The following ROCK2 variants were observed in gnomAD, a reference collection of about 807,000 sequenced individuals.
ROCK2 encodes rho-associated protein kinase 2.
A neutral mutation model predicts 195.1 loss-of-function variants in ROCK2; 61 were observed. That is an observed-to-expected ratio of 0.31 (90% confidence interval 0.25 to 0.39). The LOEUF is 0.39. Ranked by LOEUF, ROCK2 falls within the 10% of genes least tolerant of loss-of-function variation. The probability of loss-of-function intolerance (pLI) is 1.00; values close to 1 mark genes in which losing one functional copy is unlikely to be tolerated. For synonymous variants in ROCK2, 504 were observed against 545.5 expected (o/e 0.92, Z 1.06); for missense variants, 1,109 against 1,637.4 (o/e 0.68, Z 5.57).
intron 3 of ROCK2, among the ~76,000 whole-genome samples, chr2:11,256,660 C>T (rs1666046602): frequency 6.6e-6 from 1 of 150,796 alleles, no homozygotes; most frequent in Non-Finnish European, 1.5e-5. Flanking sequence ...AAAGATCTAC[C>T]ATGCAAACTG....
At chr2:11,245,053 T>C (rs1296267927) in intron 4 of ROCK2, among the ~76,000 whole-genome samples, 1 of 151,836 alleles carries the variant, frequency 6.6e-6, no homozygotes, top group Non-Finnish European at 1.5e-5. Flanking sequence ...CTTTTAAAAA[T>C]CACATTATTG....
intron 11 of ROCK2, chr2:11,218,248 T>TAA (rs1192453796): frequency 1.6e-5 from 6 of 386,182 alleles, no homozygotes; most frequent in African/African-American, 1.0e-4. Flanking sequence ...ATGTCCTTGA[T>TAA]AAATAAAAAC....
chr2:11,192,604 T>G lies in ROCK2; in HGVS notation c.3796A>C (p.Thr1266Pro). Residue 1266 changes from threonine to proline, a missense_variant, in exon 31 of 33, where the codon ACT (threonine) becomes CCT (proline). This residue lies in a region of ROCK2 where 221 missense variants were observed against 355.1 expected (regional missense o/e 0.62). Transcript: ENST00000315872. The surrounding 1 kb of genome is among the most constrained non-coding windows in gnomAD (Gnocchi z 5.0). Reference protein sequence around the residue: ...ICHKGHEFIPTLYHFPTNCEA... With the variant: ...ICHKGHEFIPPLYHFPTNCEA... Reference sequence around the variant, plus strand: ...CAGTTGGTTGGGAAATGATAAAGAGTAGGAATAAACTCATGTCCCTTGTGG... The same window carrying G: ...CAGTTGGTTGGGAAATGATAAAGAGGAGGAATAAACTCATGTCCCTTGTGG... 1 of 1,613,914 alleles carries G rather than the reference T, an allele frequency of 6.2e-7. No homozygotes were observed. The highest frequency in any genetic ancestry group is 8.5e-7 in the Non-Finnish European group (1 of 1,179,968).
intron 18 of ROCK2, among the ~76,000 whole-genome samples, chr2:11,210,233 A>G (rs1370580056): frequency 7.0e-6 from 1 of 143,282 alleles, no homozygotes; most frequent in Admixed American, 7.4e-5. Context: ...AATAATCACT[A>G]AACAAATGTC....
At chr2:11,343,309 C>T (rs1027474736) in intron 1 of ROCK2, among the ~76,000 whole-genome samples, 2 of 152,146 alleles carry the variant, frequency 1.3e-5, no homozygotes, top group Non-Finnish European at 2.9e-5. Context: ...GCAGCCTTTA[C>T]GGTGCTATTA....
intron 1 of ROCK2, among the ~76,000 whole-genome samples, chr2:11,343,723 G>T (rs527425447): frequency 2.6e-5 from 4 of 152,222 alleles, no homozygotes; most frequent in Non-Finnish European, 5.9e-5. Context: ...GGCGGAAGGA[G>T]AAGAGGGGTG....
chr2:11,332,486 G>A (rs1668801165), intron 1 of ROCK2, among the ~76,000 whole-genome samples: 1 of 152,124 alleles, frequency 6.6e-6, no homozygotes, highest in Non-Finnish European at 1.5e-5. Flanking sequence ...TGACACATTA[G>A]CAAAAATCAA....
intron 3 of ROCK2, among the ~76,000 whole-genome samples, chr2:11,274,069 AAAC>A (rs779856864): frequency 3.9e-5 from 6 of 152,160 alleles, no homozygotes; most frequent in Non-Finnish European, 7.3e-5. Context: ...AGACAAATGA[AAAC>A]AACACAACAA....
intron 1 of ROCK2, among the ~76,000 whole-genome samples, chr2:11,302,965 T>G (rs1667751525): frequency 6.6e-6 from 1 of 152,184 alleles, no homozygotes; most frequent in African/African-American, 2.4e-5. Flanking sequence ...TTCACCTTGG[T>G]CTTTCTACTT....
At chr2:11,279,755 G>A (rs898764452) in intron 3 of ROCK2, among the ~76,000 whole-genome samples, 8 of 152,204 alleles carry the variant, frequency 5.3e-5, no homozygotes, top group African/African-American at 9.6e-5. Context: ...CTCATGGAAC[G>A]TTCACCAAGA....
rs1474268170 is a variant in ROCK2 at position 11,344,321 on chromosome 2, G to GGCCCA, written c.-190_-186dup. 5.1e-6 allele frequency: 6 copies of GGCCCA among 1,165,628 alleles called. No homozygotes were observed. The highest frequency in any genetic ancestry group is 3.7e-5 in the East Asian group (1 of 27,184). 72.2% of individuals were successfully genotyped at this position (1,165,628 alleles called of 1,614,324 possible). Reference sequence around the variant, plus strand: ...GGGGGCTGCTCCCAGGGGCCCGCCCGGCCCAGCCCGGCCCAGCCCGGCCCG... The same window carrying GGCCCA: ...GGGGGCTGCTCCCAGGGGCCCGCCCGGCCCAGCCCAGCCCGGCCCAGCCCGGCCCG... On this transcript the variant is annotated 5_prime_UTR_variant, in exon 1 of 33. Transcript: ENST00000315872. This position sits in a 1 kb window ranked among gnomAD's most constrained non-coding sequence, Gnocchi z 5.4.
Position 11,335,909 on chromosome 2 carries a change from A to G in ROCK2, c.141+8087T>C, listed in dbSNP as rs116719605. The stretch of plus-strand genomic sequence containing the variant: ...ACCACTAAGCCAGAAATCACTTTAC[A>G]GTGAAACGATTGATAATTGTGACTA... On this transcript the variant is annotated intron_variant, in intron 1 of 32. Coordinates refer to ENST00000315872, the MANE Select transcript of ROCK2 (RefSeq NM_004850.5). 8.9e-3 allele frequency among the ~76,000 whole-genome samples: 1,362 copies of G among 152,364 alleles called. 16 individuals carry two copies. Among genetic ancestry groups the G allele is most frequent in the African/African-American group, 0.031 (1,286 of 41,588 alleles).
intron 3 of ROCK2, among the ~76,000 whole-genome samples, chr2:11,255,049 G>C (rs7593966): frequency 0.73 from 110,848 of 151,160 alleles, 42,452 homozygotes; most frequent in East Asian, 0.94. Context: ...AACCCCGTCT[G>C]TACTAAAAAT....
intron 1 of ROCK2, among the ~76,000 whole-genome samples, chr2:11,303,947 A>G (rs1231981801): frequency 1.3e-5 from 2 of 152,126 alleles, no homozygotes; most frequent in Non-Finnish European, 2.9e-5. Context: ...GCCTTGCCCT[A>G]TTATTTTCAA....
At chr2:11,255,278 A>G (rs1192682161) in intron 3 of ROCK2, among the ~76,000 whole-genome samples, 1 of 150,752 alleles carries the variant, frequency 6.6e-6, no homozygotes, top group African/African-American at 2.5e-5. Context: ...CTACATTTAC[A>G]AAGTATAAAA....
At chr2:11,190,260 C>T (rs1263598711) in intron 32 of ROCK2, among the ~76,000 whole-genome samples, 2 of 151,228 alleles carry the variant, frequency 1.3e-5, no homozygotes, top group Non-Finnish European at 2.9e-5. Context: ...TATTTACATG[C>T]AGATATGAGG....
chr2:11,295,990 G>GA (rs1553313903), intron 1 of ROCK2, among the ~76,000 whole-genome samples: 2,142 of 28,220 alleles, frequency 0.076, 111 homozygotes, highest in East Asian at 0.15. Context: ...GAGAGAGAGA[G>GA]GAGAGAGAGA....
At chr2:11,198,300 G>A (rs1255944725) in intron 25 of ROCK2, among the ~76,000 whole-genome samples, 191 bp downstream of exon 25, 1 of 152,176 alleles carries the variant, frequency 6.6e-6, no homozygotes, top group African/African-American at 2.4e-5. Flanking sequence ...AAAAATTTTA[G>A]TTGCTATAGA....
chr2:11,227,655 T>G (rs1041172734), intron 5 of ROCK2, among the ~76,000 whole-genome samples: 2 of 152,198 alleles, frequency 1.3e-5, no homozygotes, highest in African/African-American at 4.8e-5. Context: ...GAAAAAAGTT[T>G]GGTAAAATGG....
Sources: allele counts gnomAD v4.1 joint callset (sites outside exome capture counted in the v4.1 genomes callset), GRCh38; gene constraint gnomAD v4.1.1; regional missense constraint gnomAD v4.1.1; non-coding constraint Gnocchi (gnomAD v3.1); transcripts MANE v1.5; gene names NCBI Gene and HGNC (gene_info 2026-07-23, HGNC 2026-07-21).